The following KIDINS220 variants were observed in gnomAD, a reference collection of about 807,000 sequenced individuals.
KIDINS220 encodes the protein kinase D interacting substrate 220, also known as kinase D-interacting substrate of 220 kDa.
In KIDINS220, 63 loss-of-function variants were observed where a neutral mutation model predicts 157.6. The ratio of observed to expected loss-of-function variants is 0.40; its 90% CI spans 0.33 to 0.49. KIDINS220 has a LOEUF of 0.49. KIDINS220 is among the 20% of genes least tolerant of loss of function. KIDINS220 has a pLI of 0.66. For synonymous variants in KIDINS220, 732 were observed against 783.6 expected (o/e 0.93, Z 1.10); for missense variants, 1,772 against 2,171.2 (o/e 0.82, Z 3.65).
At position 8,778,736 on chromosome 2, in the gene KIDINS220, A is replaced by C; in HGVS notation, c.2615-9T>G. ...AGCATCTTCCTGTATCCCTTAAATA[A>C]TTTATCAAGACAGCATCACTTACAC... On this transcript the variant is annotated splice_polypyrimidine_tract_variant and intron_variant, in intron 19 of 29. Transcript: ENST00000256707. 6.2e-7 allele frequency: 1 copy of C among 1,611,924 alleles called. No homozygotes were observed. Among genetic ancestry groups the C allele is most frequent in the Non-Finnish European group, 8.5e-7 (1 of 1,178,012 alleles).
At position 8,788,782 on chromosome 2, in the gene KIDINS220, C is replaced by G; in HGVS notation, c.1652G>C (p.Gly551Ala). ...IVIYFGGRRE[G>A]ESWNWAWVLS... is the part of the protein sequence containing the mutation. The stretch of plus-strand genomic sequence containing the variant: ...GACCCAGGCCCAATTCCAACTCTCT[C>G]CTTCTCTTCGTCCACCAAAGTAAAT... The change falls in exon 15 of 30, where the codon GGA (glycine) becomes GCA (alanine). Residue 551 changes from glycine to alanine, a missense_variant. Gly to Ala is a moderately conservative substitution (Grantham distance 60). Coordinates refer to ENST00000256707, the MANE Select transcript of KIDINS220 (RefSeq NM_020738.4). 1 of 1,613,798 alleles carries G rather than the reference C, an allele frequency of 6.2e-7. No homozygotes were observed. The highest frequency in any genetic ancestry group is 1.1e-5 in the South Asian group (1 of 91,000).
At chr2:8,804,072 C>T (rs960715460) in intron 7 of KIDINS220, among the ~76,000 whole-genome samples, 10 of 152,334 alleles carry the variant, frequency 6.6e-5, no homozygotes, top group Non-Finnish European at 1.3e-4. Flanking sequence ...GCCACTTGTT[C>T]ACTTGACCAA....
Position 8,731,555 on chromosome 2 carries a change from T to C in KIDINS220, c.4481A>G (p.Lys1494Arg). The C allele has an allele frequency of 6.2e-7, 1 of 1,614,202 alleles. No individual in the cohort carries two copies. The highest frequency in any genetic ancestry group is 8.5e-7 in the Non-Finnish European group (1 of 1,180,024). The change falls in exon 30 of 30, where the codon AAG (lysine) becomes AGG (arginine). Residue 1494 changes from lysine to arginine, a missense_variant. Around this residue, in one of 3 missense-constraint regions of KIDINS220, gnomAD observed 793 missense variants for 885.5 expected, o/e 0.90. Coordinates refer to ENST00000256707, the MANE Select transcript of KIDINS220 (RefSeq NM_020738.4). The surrounding 1 kb of genome is among the most constrained non-coding windows in gnomAD (Gnocchi z 5.2). ...DQSGSKLLPG[K>R]KSSERSSLFQ... Reference sequence around the variant, plus strand: ...GAGGCTTGACCTTTCGGAAGATTTCTTGCCTGGGAGAAGCTTACTGCCTGA... The same window carrying C: ...GAGGCTTGACCTTTCGGAAGATTTCCTGCCTGGGAGAAGCTTACTGCCTGA...
At chr2:8,753,653 A>G (rs543098753) in intron 22 of KIDINS220, among the ~76,000 whole-genome samples, 1 of 152,376 alleles carries the variant, frequency 6.6e-6, no homozygotes, top group South Asian at 2.1e-4. Flanking sequence ...GCACAGTTGC[A>G]GAGGAGCAGT....
Position 8,793,822 on chromosome 2 carries a change from T to C in KIDINS220, c.1264A>G (p.Ile422Val). Residue 422 changes from isoleucine (I) to valine (V), a missense_variant, in exon 12 of 30, where the codon ATA becomes GTA. By Grantham distance (29) the Ile-to-Val change is conservative. Transcript: ENST00000256707. ...CSHQKSILTQ[I>V]FGARHLSPTE... is the part of the protein sequence containing the mutation. ...ACTCAATACTTACTGGCTCCAAATA[T>C]TTGAGTTAAAATACTCTTCTGATGG... 2 of 1,594,382 alleles carry C rather than the reference T, an allele frequency of 1.3e-6. No individual in the cohort carries two copies. The highest frequency in any genetic ancestry group is 1.7e-6 in the Non-Finnish European group (2 of 1,172,556).
In KIDINS220 at chr2:8,746,219, C is replaced by T. The variant is rs557912890; in HGVS notation, c.3585+926G>A. ...CCAGGCTCAAGCGATTCTCCTGCCTCGGCCTCCCAAGTAGCTGGGATTACA... is the reference window on the plus strand; with the variant it reads ...CCAGGCTCAAGCGATTCTCCTGCCTTGGCCTCCCAAGTAGCTGGGATTACA... On this transcript the variant is annotated intron_variant, in intron 26 of 29. Transcript: ENST00000256707. Among the ~76,000 whole-genome samples, 16 of 151,834 alleles carry T rather than the reference C, an allele frequency of 1.1e-4. No homozygotes were observed. In the East Asian group the frequency reaches 2.3e-3, roughly 22 times the overall value.
intron 1 of KIDINS220, among the ~76,000 whole-genome samples, chr2:8,832,083 C>T (rs1330469338): frequency 3.9e-5 from 6 of 152,206 alleles, no homozygotes; most frequent in Admixed American, 2.0e-4. Flanking sequence ...TCCTGAAGCA[C>T]CCGAGACTGA....
In KIDINS220 at chr2:8,751,567, A is replaced by C. The variant is rs779026964; in HGVS notation, c.3089T>G (p.Val1030Gly). 1 of 1,613,184 alleles carries C rather than the reference A, an allele frequency of 6.2e-7. No individual in the cohort carries two copies. The highest frequency in any genetic ancestry group is 8.5e-7 in the Non-Finnish European group (1 of 1,179,364). Residue 1030 changes from valine to glycine, a missense_variant, in exon 23 of 30, where the codon GTG becomes GGG. Physicochemically the swap from Val to Gly is moderately radical, Grantham distance 109. Transcript: ENST00000256707. ...EIDGDIRNFE[V>G]FLSSRTPVLV... ...AACTGGGGTCCTTGAAGACAAAAAC[A>C]CTTCAAAATTTCTTATATCTCCATC... is the stretch of plus-strand genomic sequence containing the variant.
chr2:8,776,543 G>A (rs942990805), intron 21 of KIDINS220, among the ~76,000 whole-genome samples: 1 of 152,008 alleles, frequency 6.6e-6, no homozygotes, highest in African/African-American at 2.4e-5. Flanking sequence ...TAAAATAATG[G>A]TATACAGCCG....
At chr2:8,806,128 T>G (rs773902174) in intron 7 of KIDINS220, 143 bp downstream of exon 7, 29 of 640,374 alleles carry the variant, frequency 4.5e-5, no homozygotes, top group Non-Finnish European at 7.3e-5. Context: ...ATTCTTAGAG[T>G]AACAGGAAAT....
rs762751473 is a variant in KIDINS220, at chr2:8,731,653, T to C, written c.4383A>G (p.Ser1461=). The C allele has an allele frequency of 1.9e-6, 3 of 1,614,210 alleles. No individual in the cohort carries two copies. The highest frequency in any genetic ancestry group is 1.7e-6 in the Non-Finnish European group (2 of 1,180,046). Residue 1461 remains serine (S), a synonymous_variant, in exon 30 of 30, where the codon TCA becomes TCG. Transcript: ENST00000256707. This position sits in a 1 kb window ranked among gnomAD's most constrained non-coding sequence, Gnocchi z 5.2. Reference sequence around the variant, plus strand: ...CATCGTTGGTGGAAACCCCTGATGATGAATAATCGATAACATCTCCCCTCT... The same window carrying C: ...CATCGTTGGTGGAAACCCCTGATGACGAATAATCGATAACATCTCCCCTCT... The part of the protein sequence containing the change: ...LMKRGDVIDY[S]SSGVSTNDAS...
chr2:8,798,332 T>C (rs369133109), intron 9 of KIDINS220, 32 bp from the exon 10 acceptor site: 1 of 1,191,630 alleles, frequency 8.4e-7, no homozygotes, highest in Non-Finnish European at 1.3e-6. Context: ...AATCACTTCA[T>C]GTAAGATACA....
At chr2:8,736,629 A>T (rs757253309) in intron 27 of KIDINS220, among the ~76,000 whole-genome samples, 3 of 152,240 alleles carry the variant, frequency 2.0e-5, no homozygotes, top group African/African-American at 4.8e-5. Flanking sequence ...GTATTACGTC[A>T]TTTAAAAAAG....
At chr2:8,836,532 C>A (rs1680426854) in intron 1 of KIDINS220, among the ~76,000 whole-genome samples, 2 of 152,204 alleles carry the variant, frequency 1.3e-5, no homozygotes, top group South Asian at 4.1e-4. Context: ...TGGGGTGGTG[C>A]CCAGAAACTG....
chr2:8,727,549 T>C (rs1663449465), downstream of KIDINS220, among the ~76,000 whole-genome samples: 1 of 152,180 alleles, frequency 6.6e-6, no homozygotes, highest in East Asian at 1.9e-4. Flanking sequence ...TTTAGTCTTT[T>C]ACCCATAAGA....
intron 26 of KIDINS220, among the ~76,000 whole-genome samples, chr2:8,739,037 G>A (rs967899827): frequency 2.6e-5 from 4 of 152,172 alleles, no homozygotes; most frequent in Non-Finnish European, 5.9e-5. Context: ...AATCCTGTCA[G>A]CTTTGGAGGG....
intron 23 of KIDINS220, 142 bp from the exon 24 acceptor site, chr2:8,750,477 A>C (rs1667199102): frequency 1.8e-6 from 1 of 567,966 alleles, no homozygotes; most frequent in East Asian, 3.4e-5. Flanking sequence ...TTAAAAAAGA[A>C]GACAGAAAAT....
Position 8,747,923 on chromosome 2 carries a change from T to TA in KIDINS220, c.3491dup (p.Thr1166AsnfsTer20). On this transcript the variant is annotated frameshift_variant, in exon 25 of 30. Transcript: ENST00000256707. LOFTEE classifies it high-confidence loss of function. The stretch of plus-strand genomic sequence containing the variant: ...TCTGATCTCTGGGCAAACTCGTTTT[T>TA]ACTGATGGACGTGAGATGAGATGTT... The TA allele has an allele frequency of 6.2e-7, 1 of 1,606,772 alleles. No homozygotes were observed. Among genetic ancestry groups the TA allele is most frequent in the Non-Finnish European group, 8.5e-7 (1 of 1,177,088 alleles).
chr2:8,789,318 C>T (rs1167401991), intron 14 of KIDINS220, among the ~76,000 whole-genome samples: 11 of 131,366 alleles, frequency 8.4e-5, no homozygotes, highest in African/African-American at 2.6e-4. Flanking sequence ...GATGGAGTCT[C>T]GCTCTGTTGC....
Sources: allele counts gnomAD v4.1 joint callset (sites outside exome capture counted in the v4.1 genomes callset), GRCh38; gene constraint gnomAD v4.1.1; regional missense constraint gnomAD v4.1.1; non-coding constraint Gnocchi (gnomAD v3.1); transcripts MANE v1.5; gene names NCBI Gene and HGNC (gene_info 2026-07-23, HGNC 2026-07-21).